The following GALNT13 variants were observed in gnomAD, a reference collection of about 807,000 sequenced individuals.
The protein encoded by GALNT13 is UDP-GalNAc:polypeptide N-acetylgalactosaminyltransferase 13.
GALNT13 carries 28 observed loss-of-function variants against 64.2 expected under a neutral mutation model. That is an observed-to-expected ratio of 0.44 (90% CI 0.32 to 0.60). GALNT13 has a LOEUF of 0.60. Among genes scored for constraint, GALNT13 ranks in the 20% least tolerant of loss-of-function variants. The pLI, the probability that GALNT13 is intolerant of heterozygous loss-of-function variation, is 0.05. For missense variants in GALNT13, 577 were observed against 669.8 expected (o/e 0.86, Z 1.53); for synonymous variants, 214 against 224.6 (o/e 0.95, Z 0.42).
intron 3 of GALNT13, among the ~76,000 whole-genome samples, chr2:154,095,440 C>T (rs1392176213): frequency 6.6e-6 from 1 of 151,890 alleles, no homozygotes; most frequent in Non-Finnish European, 1.5e-5. Flanking sequence ...CAACCCTACA[C>T]ATTTTCACTG....
chr2:154,115,457 G>T (rs2105501991), intron 3 of GALNT13, among the ~76,000 whole-genome samples: 1 of 151,794 alleles, frequency 6.6e-6, no homozygotes, highest in Non-Finnish European at 1.5e-5. Context: ...GTCTCCCTCT[G>T]ACACCCAGGC....
chr2:153,813,932 T>C, the GALNT13 span, among the ~76,000 whole-genome samples: 1 of 152,214 alleles, frequency 6.6e-6, no homozygotes, highest in African/African-American at 2.4e-5. Flanking sequence ...GATGGCTTTA[T>C]ACCTGGCACT....
chr2:154,100,678 A>G (rs545189256), intron 3 of GALNT13, among the ~76,000 whole-genome samples: 20 of 152,150 alleles, frequency 1.3e-4, no homozygotes, highest in African/African-American at 4.8e-4. Flanking sequence ...CCGTTTTCCA[A>G]TATGAATGCC....
the GALNT13 span, among the ~76,000 whole-genome samples, chr2:153,455,429 C>CGAATGAGTGCGGGAACGAGT: frequency 1.3e-5 from 2 of 152,182 alleles, no homozygotes; most frequent in African/African-American, 2.4e-5. Flanking sequence ...AGCACATGAG[C>CGAATGAGTGCGGGAACGAGT]GAATGAGTGC....
chr2:153,319,600 G>C, the GALNT13 span, among the ~76,000 whole-genome samples: 1 of 152,076 alleles, frequency 6.6e-6, no homozygotes, highest in Non-Finnish European at 1.5e-5. Context: ...TATTAAGCCA[G>C]ATTTAAATAT....
intron 1 of GALNT13, among the ~76,000 whole-genome samples, chr2:153,889,648 A>G (rs1484560836): frequency 6.6e-5 from 10 of 152,086 alleles, no homozygotes; most frequent in Non-Finnish European, 1.5e-5. Context: ...GTAACTGGGT[A>G]TATAAAATTG....
intron 3 of GALNT13, among the ~76,000 whole-genome samples, chr2:153,993,695 C>CAA (rs5835495): frequency 0.47 from 49,568 of 104,556 alleles, 13,686 homozygotes; most frequent in Non-Finnish European, 0.64. Context: ...GACTCCATCT[C>CAA]AAAAAAAAAA....
At chr2:153,950,391 T>G (rs1174473495) in intron 3 of GALNT13, among the ~76,000 whole-genome samples, 2 of 151,954 alleles carry the variant, frequency 1.3e-5, no homozygotes, top group African/African-American at 4.8e-5. Flanking sequence ...CTTGGAAAAA[T>G]GCAGATCAAG....
chr2:153,765,619 T>A, the GALNT13 span, among the ~76,000 whole-genome samples: 1 of 152,102 alleles, frequency 6.6e-6, no homozygotes, highest in Non-Finnish European at 1.5e-5. Context: ...TGACATGAGA[T>A]AAGACTTTGG....
intron 1 of GALNT13, among the ~76,000 whole-genome samples, chr2:153,885,908 G>T (rs919841994): frequency 5.3e-5 from 8 of 152,036 alleles, no homozygotes; most frequent in Non-Finnish European, 1.2e-4. Flanking sequence ...GGTTGTTGCT[G>T]TGTATATGTT....
the GALNT13 span, chr2:153,446,806 CT>C: frequency 3.8e-4 from 58 of 152,142 alleles, no homozygotes; most frequent in Middle Eastern, 3.4e-3. Flanking sequence ...CTTCTTTTAT[CT>C]TTTCTTCACT....
chr2:153,092,032 T>G, the GALNT13 span, among the ~76,000 whole-genome samples: 26 of 152,316 alleles, frequency 1.7e-4, no homozygotes, highest in Admixed American at 3.9e-4. Flanking sequence ...TAGTGAGAGA[T>G]AGAGGTCTAG....
intron 4 of GALNT13, among the ~76,000 whole-genome samples, chr2:154,180,017 A>T (rs1685869391): frequency 6.6e-6 from 1 of 152,164 alleles, no homozygotes; most frequent in Non-Finnish European, 1.5e-5. Context: ...AGCAAACTTT[A>T]CAGAAGTATG....
chr2:154,331,481 TA>T (rs994886045), intron 9 of GALNT13, among the ~76,000 whole-genome samples: 14 of 151,726 alleles, frequency 9.2e-5, no homozygotes, highest in African/African-American at 3.4e-4. Context: ...TTTTTTTTTT[TA>T]AAATGTAGAG....
intron 9 of GALNT13, among the ~76,000 whole-genome samples, chr2:154,368,211 T>A (rs1697480762): frequency 6.6e-6 from 1 of 152,206 alleles, no homozygotes; most frequent in Non-Finnish European, 1.5e-5. Context: ...TTCACAGATT[T>A]GCTATCAGAA....
the GALNT13 span, among the ~76,000 whole-genome samples, chr2:153,593,996 A>G: frequency 6.6e-6 from 1 of 152,192 alleles, no homozygotes; most frequent in Admixed American, 6.5e-5. Flanking sequence ...AATATGCATC[A>G]TAGATATTCT....
intron 3 of GALNT13, among the ~76,000 whole-genome samples, chr2:153,988,858 A>G (rs1464471095): frequency 6.6e-6 from 1 of 151,988 alleles, no homozygotes; most frequent in Non-Finnish European, 1.5e-5. Flanking sequence ...AACTCAGGAA[A>G]TAAATTGAGC....
chr2:153,912,763 G>A (rs10210440), intron 2 of GALNT13, among the ~76,000 whole-genome samples: 30,639 of 152,100 alleles, frequency 0.2, 4,060 homozygotes, highest in Middle Eastern at 0.33. Context: ...GGCCCCTCAT[G>A]GTTAGGAACC....
the GALNT13 span, among the ~76,000 whole-genome samples, chr2:153,088,344 A>G: frequency 1.3e-5 from 2 of 151,922 alleles, no homozygotes; most frequent in South Asian, 4.1e-4. Context: ...TATAATTTAG[A>G]TTTTCTTAAG....
Sources: gnomAD v4.1 joint callset for allele counts (sites outside exome capture counted in the v4.1 genomes callset) on GRCh38, gnomAD v4.1.1 for gene constraint, MANE v1.5 for transcripts, NCBI Gene and HGNC (gene_info 2026-07-23, HGNC 2026-07-21) for gene names.